CTNNA3: variants seen among roughly 807,000 people sequenced by gnomAD.
CTNNA3 encodes the protein catenin alpha 3, also known as catenin alpha-3.
Under a neutral mutation model 95.7 loss-of-function variants are expected in CTNNA3, and 76 were observed. The observed-to-expected ratio is 0.79, with a 90% CI of 0.66 to 0.96. CTNNA3 has a LOEUF of 0.96. Among genes scored for constraint, CTNNA3 ranks in the 40% least tolerant of loss-of-function variants. The pLI is 0.00. For synonymous variants in CTNNA3, 431 were observed against 374.4 expected (o/e 1.15, Z -1.74); for missense variants, 1,191 against 1,089.8 (o/e 1.09, Z -1.31).
At chr10:67,317,654 T>C (rs1366500651) in intron 5 of CTNNA3, among the ~76,000 whole-genome samples, 2 of 152,002 alleles carry the variant, frequency 1.3e-5, no homozygotes, top group Non-Finnish European at 2.9e-5. Context: ...GTCGATCTCC[T>C]GACCTCCTGA....
chr10:66,774,112 G>A (rs966394409), intron 8 of CTNNA3, among the ~76,000 whole-genome samples: 2 of 152,124 alleles, frequency 1.3e-5, no homozygotes, highest in Admixed American at 1.3e-4. Flanking sequence ...ACCTTTAGAA[G>A]TATAAATGTA....
chr10:67,504,093 C>G (rs902744824), intron 5 of CTNNA3, among the ~76,000 whole-genome samples: 42 of 149,524 alleles, frequency 2.8e-4, no homozygotes, highest in African/African-American at 9.7e-4. Context: ...GAAGGTGGAG[C>G]TTGCAGTGAG....
chr10:67,382,860 A>G (rs572814834), intron 5 of CTNNA3, among the ~76,000 whole-genome samples: 1 of 152,294 alleles, frequency 6.6e-6, no homozygotes, highest in East Asian at 1.9e-4. Context: ...AGGCTTTCTT[A>G]AACAGTCAGA....
At chr10:66,605,153 CATA>C (rs1156559515) in intron 10 of CTNNA3, among the ~76,000 whole-genome samples, 4 of 152,128 alleles carry the variant, frequency 2.6e-5, no homozygotes, top group African/African-American at 9.7e-5. Flanking sequence ...ACAAGAATTT[CATA>C]ATGCCATCAC....
rs79368895 is a variant in CTNNA3 at position 66,648,512 on chromosome 10, C to T, written c.1282-26728G>A. Among the ~76,000 whole-genome samples the T allele has an allele frequency of 1.0e-3, 153 of 152,178 alleles. 2 individuals carry two copies. The East Asian group carries it at 0.024, about 24-fold the overall frequency. ...GATCTCTAAAAAAGAGTCGAATATG[C>T]GAATCCTACCTAAAGACCGGGGACA... On this transcript the variant is annotated intron_variant, in intron 9 of 17. Transcript: ENST00000433211.
At chr10:67,559,794 G>A (rs1209205192) in intron 3 of CTNNA3, among the ~76,000 whole-genome samples, 1 of 152,136 alleles carries the variant, frequency 6.6e-6, no homozygotes, top group East Asian at 1.9e-4. Context: ...GTGCTTAAAG[G>A]AGCTAATGGA....
chr10:66,445,119 T>C (rs1320566471), intron 11 of CTNNA3, among the ~76,000 whole-genome samples: 1 of 151,940 alleles, frequency 6.6e-6, no homozygotes, highest in African/African-American at 2.4e-5. Context: ...CAAGAAGAGC[T>C]AACTATCCTA....
At chr10:67,264,227 T>C (rs1238197679) in intron 5 of CTNNA3, among the ~76,000 whole-genome samples, 3 of 152,166 alleles carry the variant, frequency 2.0e-5, no homozygotes, top group African/African-American at 7.2e-5. Context: ...GGTGAGTAAC[T>C]AGTCCAAAGC....
intron 1 of CTNNA3, chr10:67,751,145 C>CAT: frequency 1.5e-6 from 2 of 1,315,358 alleles, no homozygotes; most frequent in East Asian, 4.6e-5. Context: ...AGATGGCAAC[C>CAT]ACACTCAGCT....
chr10:66,543,578 CA>C (rs1311162643), intron 10 of CTNNA3, among the ~76,000 whole-genome samples: 1 of 151,928 alleles, frequency 6.6e-6, no homozygotes, highest in Non-Finnish European at 1.5e-5. Context: ...AAATATTATT[CA>C]TCATGATTTC....
intron 7 of CTNNA3, chr10:66,926,860 CTTGA>C (rs1228180317): frequency 8.4e-6 from 12 of 1,428,618 alleles, no homozygotes; most frequent in South Asian, 2.9e-5. Context: ...CCTATTTTTG[CTTGA>C]TTAAGGATTA....
chr10:67,182,923 A>C (rs1321684611), intron 6 of CTNNA3, among the ~76,000 whole-genome samples: 2 of 152,198 alleles, frequency 1.3e-5, no homozygotes, highest in Non-Finnish European at 2.9e-5. Context: ...ATGCAGCCAA[A>C]AGACACATGA....
At chr10:67,501,041 T>G (rs1839214156) in intron 5 of CTNNA3, among the ~76,000 whole-genome samples, 1 of 152,258 alleles carries the variant, frequency 6.6e-6, no homozygotes, top group African/African-American at 2.4e-5. Flanking sequence ...CATTAGTTGA[T>G]GCAGTTTCTT....
At chr10:67,105,977 C>G (rs918813297) in intron 7 of CTNNA3, among the ~76,000 whole-genome samples, 1 of 152,184 alleles carries the variant, frequency 6.6e-6, no homozygotes, top group Non-Finnish European at 1.5e-5. Flanking sequence ...CTGCCAGTTT[C>G]CTCTTTAACA....
In CTNNA3 at chr10:66,183,481, C is replaced by A. The variant is rs146472561; in HGVS notation, c.1885-80232G>T. On this transcript the variant is annotated intron_variant, in intron 13 of 17. Transcript: ENST00000433211. Reference sequence around the variant, plus strand: ...TTTTTTCTGAGATTTATGGATACTGCTGAATATAAGTGTAGCTTATCAATT... The same window carrying A: ...TTTTTTCTGAGATTTATGGATACTGATGAATATAAGTGTAGCTTATCAATT... Among the ~76,000 whole-genome samples the A allele has an allele frequency of 1.2e-4, 18 of 152,306 alleles. No homozygotes were observed. The East Asian group carries it at 3.5e-3, about 29-fold the overall frequency.
At chr10:67,592,613 A>T (rs1172423880) in intron 3 of CTNNA3, among the ~76,000 whole-genome samples, 1 of 152,208 alleles carries the variant, frequency 6.6e-6, no homozygotes. Context: ...ATCCAGAGGC[A>T]AAAGAATAAC....
intron 15 of CTNNA3, among the ~76,000 whole-genome samples, chr10:66,008,719 T>A (rs555901686): frequency 6.6e-6 from 1 of 152,364 alleles, no homozygotes; most frequent in South Asian, 2.1e-4. Flanking sequence ...CTATTTTAAA[T>A]ATCTTGCTAA....
chr10:66,675,326 T>G (rs113088063), intron 9 of CTNNA3, among the ~76,000 whole-genome samples: 2 of 152,168 alleles, frequency 1.3e-5, no homozygotes, highest in African/African-American at 2.4e-5. Flanking sequence ...CATACCTTTT[T>G]GCTCATTTTG....
intron 2 of CTNNA3, among the ~76,000 whole-genome samples, chr10:67,622,487 C>T (rs1564789647): frequency 1.3e-5 from 2 of 152,082 alleles, no homozygotes; most frequent in Non-Finnish European, 2.9e-5. Context: ...AAATCACAGT[C>T]TAATAGGACA....
Sources: allele counts gnomAD v4.1 joint callset (sites outside exome capture counted in the v4.1 genomes callset), GRCh38; gene constraint gnomAD v4.1.1; transcripts MANE v1.5; gene names NCBI Gene and HGNC (gene_info 2026-07-23, HGNC 2026-07-21).